IQSEC1: variants seen among roughly 807,000 people sequenced by gnomAD.
IQSEC1 encodes the protein IQ motif and Sec7 domain ArfGEF 1, also known as IQ motif and SEC7 domain-containing protein 1.
IQSEC1 carries 31 observed loss-of-function variants against 91.0 expected under a neutral mutation model. The observed-to-expected ratio is 0.34, with a 90% CI of 0.26 to 0.46. The LOEUF is 0.46. Ranked by LOEUF, IQSEC1 falls within the 20% of genes least tolerant of loss-of-function variation. The pLI, the probability that IQSEC1 is intolerant of heterozygous loss-of-function variation, is 1.00. For missense variants in IQSEC1, 1,388 were observed against 1,575.6 expected, an observed-to-expected ratio of 0.88 and a Z score of 2.02; for synonymous variants, 699 against 662.6, an observed-to-expected ratio of 1.05 and a Z score of -0.84.
At chr3:13,142,177 G>A (rs938288878) in intron 2 of IQSEC1, among the ~76,000 whole-genome samples, 3 of 152,212 alleles carry the variant, frequency 2.0e-5, no homozygotes, top group South Asian at 2.1e-4. Flanking sequence ...CTGAAGAAAC[G>A]CATTCTAAGA....
At position 13,207,899 on chromosome 3, in the gene IQSEC1, C is replaced by G. The variant is rs11706263; in HGVS notation, c.273-43766G>C. Among the ~76,000 whole-genome samples the G allele has an allele frequency of 6.6e-6, 1 of 151,936 alleles. No homozygotes were observed. The highest frequency in any genetic ancestry group is 1.5e-5 in the Non-Finnish European group (1 of 67,990). On this transcript the variant is annotated intron_variant, in intron 1 of 15. Coordinates refer to the IQSEC1 transcript ENST00000648114. The surrounding 1 kb of genome is among the most constrained non-coding windows in gnomAD (Gnocchi z 4.8). ...CTCCATTTATCTCTCCTCACTGCAA[C>G]ATCAGCTCCAAGAGAGAGCACAGCT...
At chr3:13,242,413 A>G (rs1395710059) in intron 1 of IQSEC1, among the ~76,000 whole-genome samples, 1 of 152,178 alleles carries the variant, frequency 6.6e-6, no homozygotes, top group Non-Finnish European at 1.5e-5. Context: ...CCCAAGAGCA[A>G]GGTGGGCATA....
At chr3:13,082,343 C>A (rs750973451) in intron 2 of IQSEC1, among the ~76,000 whole-genome samples, 5 of 152,214 alleles carry the variant, frequency 3.3e-5, no homozygotes, top group Non-Finnish European at 7.3e-5. Context: ...TTTTTATCCC[C>A]GACAAAGGGC....
rs370904746 is a variant in IQSEC1, at chr3:13,037,864, G to T, written c.23+35128C>A. On this transcript the variant is annotated intron_variant, in intron 1 of 13. Transcript: ENST00000613206. ...TGGTGGCTGCTGGGGGTGAAGGGAGGGGGGAGTTAGTGTTTAACGGGTACA... is the reference window on the plus strand; with the variant it reads ...TGGTGGCTGCTGGGGGTGAAGGGAGTGGGGAGTTAGTGTTTAACGGGTACA... Among the ~76,000 whole-genome samples the T allele has an allele frequency of 3.9e-5, 6 of 152,196 alleles. No homozygotes were observed. In the East Asian group the frequency reaches 7.7e-4, roughly 20 times the overall value.
chr3:12,908,646 G>T lies in IQSEC1; in HGVS notation c.2579-121C>A. ...CACCATCTGCTTGGAATGGGGAAGG[G>T]TTGTTTCTGGGAAAGAGGGTGTGAT... On this transcript the variant is annotated intron_variant, in intron 11 of 13. Transcript: ENST00000613206. This position sits in a 1 kb window ranked among gnomAD's most constrained non-coding sequence, Gnocchi z 4.9. 1 of 1,092,478 alleles carries T rather than the reference G, an allele frequency of 9.2e-7. No homozygotes were observed. The highest frequency in any genetic ancestry group is 1.3e-6 in the Non-Finnish European group (1 of 752,164). 67.7% of individuals were successfully genotyped at this position (1,092,478 alleles called of 1,614,324 possible).
At position 13,237,541 on chromosome 3, in the gene IQSEC1, C is replaced by T. The variant is rs370388831; in HGVS notation, c.272+45170G>A. ...GGGCACTCTGAACCGGTGCAGGCCC[C>T]GGTTCCCCCACAGACACAGCTGAGC... On this transcript the variant is annotated intron_variant, in intron 1 of 15. Coordinates refer to the IQSEC1 transcript ENST00000648114. 1.1e-3 allele frequency among the ~76,000 whole-genome samples: 160 copies of T among 152,272 alleles called. 2 individuals are homozygous for T. In the South Asian group the frequency reaches 0.032, roughly 30 times the overall value.
chr3:12,950,557 G>C (rs917598211), intron 1 of IQSEC1, among the ~76,000 whole-genome samples: 2 of 151,998 alleles, frequency 1.3e-5, no homozygotes, highest in Non-Finnish European at 2.9e-5. Context: ...CTGTAGTCCC[G>C]GTGCTTTCGG....
intron 2 of IQSEC1, among the ~76,000 whole-genome samples, chr3:13,154,476 TGCAAAAACTG>T (rs1707055639): frequency 7.9e-6 from 1 of 127,382 alleles, no homozygotes; most frequent in Non-Finnish European, 1.7e-5. Context: ...TATATATATA[TGCAAAAACTG>T]ATACAACTGA....
At chr3:13,168,654 C>T (rs1236345649) in intron 1 of IQSEC1, among the ~76,000 whole-genome samples, 1 of 152,214 alleles carries the variant, frequency 6.6e-6, no homozygotes, top group East Asian at 1.9e-4. Context: ...CAGCCACACC[C>T]TTTCATTCTG....
chr3:13,205,040 C>T (rs539947339), intron 1 of IQSEC1, among the ~76,000 whole-genome samples: 25 of 151,980 alleles, frequency 1.6e-4, no homozygotes, highest in African/African-American at 5.1e-4. Context: ...TCAGGTGATC[C>T]GCCCTCCTCG....
intron 1 of IQSEC1, among the ~76,000 whole-genome samples, chr3:13,196,441 G>A (rs1021804773): frequency 6.6e-6 from 1 of 152,228 alleles, no homozygotes; most frequent in African/African-American, 2.4e-5. Flanking sequence ...TCCCCAAGGT[G>A]CACATTTCCT....
chr3:13,234,354 A>G lies in IQSEC1; in HGVS notation c.272+48357T>C, dbSNP rs5029356. 2.1e-3 allele frequency among the ~76,000 whole-genome samples: 272 copies of G among 132,430 alleles called. 6 individuals are homozygous for G. In the East Asian group the frequency reaches 0.041, roughly 20 times the overall value. 86.9% of individuals were successfully genotyped at this position (132,430 alleles called of 152,430 possible). A position where few individuals can be genotyped will look rare whatever the true frequency, so the allele number is the denominator to read the frequency against. On this transcript the variant is annotated intron_variant, in intron 1 of 15. Coordinates refer to the IQSEC1 transcript ENST00000648114. ...GTGAGCCCTGTGTCTGTGTGTGCCT[A>G]TGGGTGTGAGCACCATGTCCATGTG...
At chr3:13,250,528 A>G (rs7431392) in intron 1 of IQSEC1, among the ~76,000 whole-genome samples, 24,642 of 123,410 alleles carry the variant, frequency 0.2, 3,887 homozygotes, top group African/African-American at 0.46. Context: ...CTCCACCCCC[A>G]GGTTCACATG....
Position 13,114,304 on chromosome 3 carries a change from C to G in IQSEC1, c.302+49800G>C, listed in dbSNP as rs151207845. 8.0e-3 allele frequency among the ~76,000 whole-genome samples: 1,218 copies of G among 152,066 alleles called. 21 individuals are homozygous for G. Among genetic ancestry groups the G allele is most frequent in the African/African-American group, 0.027 (1,136 of 41,438 alleles). On this transcript the variant is annotated intron_variant, in intron 2 of 15. Coordinates refer to the IQSEC1 transcript ENST00000648114. ...TCCCTGTTCTCAGGGGATATATGCC[C>G]AAGAATTACAGGTGGGGTGTCACGG...
intron 1 of IQSEC1, among the ~76,000 whole-genome samples, chr3:13,271,789 T>C (rs1354676003): frequency 6.6e-6 from 1 of 152,124 alleles, no homozygotes; most frequent in Admixed American, 6.5e-5. Flanking sequence ...AGCAAGACCC[T>C]TTCTCAAAAA....
chr3:13,107,234 C>T (rs1036118554), intron 2 of IQSEC1, among the ~76,000 whole-genome samples: 1 of 152,192 alleles, frequency 6.6e-6, no homozygotes, highest in African/African-American at 2.4e-5. Flanking sequence ...CCAGAAGACC[C>T]ATGCACAGAT....
chr3:12,967,730 T>C lies in IQSEC1; in HGVS notation c.24-25865A>G, dbSNP rs1284440737. 2 of 1,069,968 alleles carry C rather than the reference T, an allele frequency of 1.9e-6. No homozygotes were observed. The highest frequency in any genetic ancestry group is 2.3e-6 in the Non-Finnish European group (2 of 886,884). The allele number at this position is 1,069,968 out of a possible 1,614,324, so 66.3% of individuals were successfully genotyped here. ...GGGCCGGAGGAATGTGGCCCTGAAG[T>C]GGGCGGGGCAGGGCGGGGGCGGGGC... On this transcript the variant is annotated intron_variant, in intron 1 of 13. Transcript: ENST00000613206. This position sits in a 1 kb window ranked among gnomAD's most constrained non-coding sequence, Gnocchi z 5.9.
chr3:13,235,874 C>T (rs1045636389), intron 1 of IQSEC1, among the ~76,000 whole-genome samples: 7 of 152,274 alleles, frequency 4.6e-5, no homozygotes, highest in East Asian at 1.9e-4. Flanking sequence ...TATGCCGCCC[C>T]GTTCCCTGTA....
intron 1 of IQSEC1, among the ~76,000 whole-genome samples, chr3:13,024,297 T>C (rs1465700515): frequency 6.6e-6 from 1 of 152,080 alleles, no homozygotes; most frequent in Non-Finnish European, 1.5e-5. Context: ...TTCCTTCCTA[T>C]CATCCATTCA....
Sources: gnomAD v4.1 joint callset for allele counts (sites outside exome capture counted in the v4.1 genomes callset) on GRCh38, gnomAD v4.1.1 for gene constraint, Gnocchi (gnomAD v3.1) non-coding constraint, MANE v1.5 for transcripts, NCBI Gene and HGNC (gene_info 2026-07-23, HGNC 2026-07-21) for gene names.